Variants in CFAP299 observed in about 807,000 individuals in gnomAD.
CFAP299 encodes cilia and flagella associated protein 299, also known as cilia- and flagella-associated protein 299.
In CFAP299, 21 loss-of-function variants were observed where a neutral mutation model predicts 27.0. The ratio of observed to expected loss-of-function variants is 0.78; its 90% CI spans 0.55 to 1.12. The LOEUF (loss-of-function observed/expected upper bound fraction) is 1.12. Ranked by LOEUF, CFAP299 falls within the 50% of genes most tolerant of loss-of-function variation. CFAP299 has a pLI of 0.00. For missense variants in CFAP299, 310 were observed against 276.6 expected (o/e 1.12, Z -0.86); for synonymous variants, 104 against 98.1 (o/e 1.06, Z -0.36).
intron 2 of CFAP299, among the ~76,000 whole-genome samples, chr4:80,558,593 C>G (rs1043814752): frequency 6.6e-6 from 1 of 151,234 alleles, no homozygotes; most frequent in Non-Finnish European, 1.5e-5. Context: ...CAAATAAGAG[C>G]GTCAGGCAGA....
At chr4:80,489,209 A>C (rs1730988510) in intron 2 of CFAP299, among the ~76,000 whole-genome samples, 4 of 152,158 alleles carry the variant, frequency 2.6e-5, no homozygotes, top group Admixed American at 6.5e-5. Flanking sequence ...TTTTCCAACA[A>C]GATGTCTCTG....
chr4:80,656,862 T>C (rs1051525835), intron 3 of CFAP299, among the ~76,000 whole-genome samples: 3 of 152,184 alleles, frequency 2.0e-5, no homozygotes, highest in African/African-American at 7.2e-5. Flanking sequence ...ACTGTTCCTA[T>C]TACTCCACAT....
At chr4:80,411,670 A>C (rs915937863) in intron 2 of CFAP299, among the ~76,000 whole-genome samples, 2 of 151,496 alleles carry the variant, frequency 1.3e-5, no homozygotes, top group Non-Finnish European at 2.9e-5. Flanking sequence ...TTTTTTTGTT[A>C]TTGTTTTGTT....
chr4:80,786,894 C>T (rs1698058954), intron 3 of CFAP299, among the ~76,000 whole-genome samples: 1 of 151,954 alleles, frequency 6.6e-6, no homozygotes, highest in Admixed American at 6.6e-5. Context: ...GTAATTAATG[C>T]AAAATAATTA....
At chr4:80,482,781 C>T (rs183206672) in intron 2 of CFAP299, among the ~76,000 whole-genome samples, 31 of 152,184 alleles carry the variant, frequency 2.0e-4, no homozygotes, top group Admixed American at 3.9e-4. Context: ...CATTAAATAC[C>T]GAAGCTAAAA....
In CFAP299 at chr4:80,862,245, T is replaced by C. The variant is rs184797345; in HGVS notation, c.334-7748T>C. 3.8e-3 allele frequency among the ~76,000 whole-genome samples: 579 copies of C among 152,076 alleles called. 1 individual carries two copies. Among genetic ancestry groups the C allele is most frequent in the Middle Eastern group, 0.014 (4 of 292 alleles). ...ATTAGCTTGGAGCAGTGGCGTGTGCTTGTGGTCCCAGCTACTCGGTAGGCT... is the reference window on the plus strand; with the variant it reads ...ATTAGCTTGGAGCAGTGGCGTGTGCCTGTGGTCCCAGCTACTCGGTAGGCT... On this transcript the variant is annotated intron_variant, in intron 3 of 5. Transcript: ENST00000358105.
At chr4:80,860,763 C>T (rs1381830995) in intron 3 of CFAP299, among the ~76,000 whole-genome samples, 3 of 152,172 alleles carry the variant, frequency 2.0e-5, no homozygotes, top group African/African-American at 7.2e-5. Flanking sequence ...GATCGTTCCT[C>T]TGGAAGTTTT....
intron 3 of CFAP299, among the ~76,000 whole-genome samples, chr4:80,737,917 T>C (rs1306854488): frequency 1.3e-5 from 2 of 152,166 alleles, no homozygotes; most frequent in Non-Finnish European, 2.9e-5. Flanking sequence ...GAGATTTTGG[T>C]ATGTTGAGTT....
intron 2 of CFAP299, among the ~76,000 whole-genome samples, chr4:80,505,822 A>C (rs1320021513): frequency 6.6e-6 from 1 of 151,932 alleles, no homozygotes; most frequent in African/African-American, 2.4e-5. Context: ...AACAGAGCGG[A>C]GTGGTGTGCA....
chr4:80,354,501 T>C (rs916535225), intron 1 of CFAP299, among the ~76,000 whole-genome samples: 2 of 152,206 alleles, frequency 1.3e-5, no homozygotes, highest in Non-Finnish European at 2.9e-5. Context: ...TATTTTGATT[T>C]TTAAAGCATA....
chr4:80,612,935 T>A (rs1473147468), intron 3 of CFAP299, among the ~76,000 whole-genome samples: 1 of 152,118 alleles, frequency 6.6e-6, no homozygotes, highest in Admixed American at 6.5e-5. Flanking sequence ...AAGAACCAAG[T>A]ATAGCAGTGA....
intron 3 of CFAP299, among the ~76,000 whole-genome samples, chr4:80,727,843 A>T (rs1444086249): frequency 1.3e-5 from 2 of 151,900 alleles, no homozygotes; most frequent in Non-Finnish European, 2.9e-5. Context: ...GAGTCTAGAG[A>T]ACAAATATGA....
At chr4:80,445,714 CTTAT>C (rs1578451872) in intron 2 of CFAP299, among the ~76,000 whole-genome samples, 1 of 151,684 alleles carries the variant, frequency 6.6e-6, no homozygotes, top group South Asian at 2.1e-4. Flanking sequence ...GCATAGTTTG[CTTAT>C]TTGTTTTGAG....
chr4:80,941,962 T>C lies in CFAP299; in HGVS notation c.477-2848T>C, dbSNP rs563579689. Reference sequence around the variant, plus strand: ...CTCCTGCCAGGCCCCACCTCCAACATTGGGGATTACAATTCAACATGAGAT... The same window carrying C: ...CTCCTGCCAGGCCCCACCTCCAACACTGGGGATTACAATTCAACATGAGAT... On this transcript the variant is annotated intron_variant, in intron 4 of 5. Coordinates refer to ENST00000358105, the MANE Select transcript of CFAP299 (RefSeq NM_152770.3). Among the ~76,000 whole-genome samples, 25 of 152,182 alleles carry C rather than the reference T, an allele frequency of 1.6e-4. No individual in the cohort carries two copies. In the South Asian group the frequency reaches 1.7e-3, roughly 10 times the overall value.
chr4:80,824,640 C>T (rs1247109348), intron 3 of CFAP299, among the ~76,000 whole-genome samples: 3 of 152,108 alleles, frequency 2.0e-5, no homozygotes, highest in African/African-American at 7.2e-5. Context: ...TAGAAAGTCA[C>T]TGCACATGGT....
intron 2 of CFAP299, among the ~76,000 whole-genome samples, chr4:80,514,263 G>A (rs1246808868): frequency 2.0e-5 from 3 of 151,996 alleles, no homozygotes; most frequent in Non-Finnish European, 4.4e-5. Flanking sequence ...TGAAACCAAA[G>A]TTTGAGCACG....
chr4:80,601,789 T>C (rs1229648929), intron 3 of CFAP299, among the ~76,000 whole-genome samples: 1 of 152,264 alleles, frequency 6.6e-6, no homozygotes, highest in South Asian at 2.1e-4. Flanking sequence ...GAGTAAAAAT[T>C]GCAGCACTAT....
intron 2 of CFAP299, among the ~76,000 whole-genome samples, chr4:80,578,436 T>C (rs1426752108): frequency 6.6e-6 from 1 of 152,180 alleles, no homozygotes; most frequent in Non-Finnish European, 1.5e-5. Flanking sequence ...TTCGGATAGC[T>C]TTGGAGCCAA....
chr4:80,441,654 G>A (rs568373291), intron 2 of CFAP299, among the ~76,000 whole-genome samples: 9 of 152,140 alleles, frequency 5.9e-5, no homozygotes, highest in Non-Finnish European at 1.0e-4. Context: ...CAACTAATGT[G>A]CAAAATCACC....
Sources: gnomAD v4.1 joint callset for allele counts (sites outside exome capture counted in the v4.1 genomes callset) on GRCh38, gnomAD v4.1.1 for gene constraint, MANE v1.5 for transcripts, NCBI Gene and HGNC (gene_info 2026-07-23, HGNC 2026-07-21) for gene names.